FSTL5: variants seen among roughly 807,000 people sequenced by gnomAD.
FSTL5 encodes follistatin like 5, also known as follistatin-related protein 5.
FSTL5 carries 62 observed loss-of-function variants against 89.1 expected under a neutral mutation model. The observed-to-expected ratio is 0.70, with a 90% CI of 0.57 to 0.86. FSTL5 has a LOEUF of 0.86. FSTL5 is among the 40% of genes least tolerant of loss of function. The pLI, the probability that FSTL5 is intolerant of heterozygous loss-of-function variation, is 0.00. For missense variants in FSTL5, 1,057 were observed against 1,001.6 expected (o/e 1.06, Z -0.75); for synonymous variants, 383 against 346.2 (o/e 1.11, Z -1.18).
intron 6 of FSTL5, among the ~76,000 whole-genome samples, chr4:161,726,513 C>A (rs1560811553): frequency 6.6e-6 from 1 of 152,076 alleles, no homozygotes; most frequent in Non-Finnish European, 1.5e-5. Context: ...CAGGCATGAG[C>A]CGCCGCGCCT....
intron 13 of FSTL5, among the ~76,000 whole-genome samples, chr4:161,478,920 G>T (rs1729400239): frequency 6.6e-6 from 1 of 152,042 alleles, no homozygotes; most frequent in African/African-American, 2.4e-5. Context: ...ATCATGTAAA[G>T]CACAAATAGC....
intron 4 of FSTL5, among the ~76,000 whole-genome samples, chr4:161,879,968 T>C (rs764348928): frequency 6.6e-6 from 1 of 152,200 alleles, no homozygotes; most frequent in Non-Finnish European, 1.5e-5. Flanking sequence ...TCTTAAATGT[T>C]AATTTGAATT....
chr4:161,635,311 C>G (rs933853946), intron 7 of FSTL5, among the ~76,000 whole-genome samples: 1 of 152,140 alleles, frequency 6.6e-6, no homozygotes, highest in Non-Finnish European at 1.5e-5. Context: ...TTGCTTTAAC[C>G]TGGGAGGCGG....
chr4:161,579,825 G>T (rs576490964), intron 8 of FSTL5, among the ~76,000 whole-genome samples: 2 of 151,418 alleles, frequency 1.3e-5, no homozygotes, highest in East Asian at 1.9e-4. Context: ...ATAAGCCCAG[G>T]ATACAAATGT....
chr4:161,844,985 TA>T (rs1392863875), intron 4 of FSTL5, among the ~76,000 whole-genome samples: 1 of 150,966 alleles, frequency 6.6e-6, no homozygotes, highest in African/African-American at 2.4e-5. Context: ...TAACAAAGAG[TA>T]AAAAAAGTTA....
At chr4:161,852,737 TAAAGAA>T (rs1731594361) in intron 4 of FSTL5, among the ~76,000 whole-genome samples, 1 of 152,102 alleles carries the variant, frequency 6.6e-6, no homozygotes, top group Non-Finnish European at 1.5e-5. Context: ...ATAGACTAGA[TAAAGAA>T]AATGTCATAA....
chr4:161,608,384 G>C (rs1490131362), intron 7 of FSTL5, among the ~76,000 whole-genome samples: 1 of 152,016 alleles, frequency 6.6e-6, no homozygotes, highest in Admixed American at 6.6e-5. Flanking sequence ...AATGTGACTG[G>C]TAAATTTAAG....
chr4:161,648,684 A>AT (rs397952217), intron 7 of FSTL5, among the ~76,000 whole-genome samples: 2 of 151,412 alleles, frequency 1.3e-5, no homozygotes, highest in Non-Finnish European at 1.5e-5. Flanking sequence ...TTTAAAAAAA[A>AT]TAATGCAAAA....
At chr4:161,660,809 C>CT in intron 6 of FSTL5, among the ~76,000 whole-genome samples, 1 of 152,200 alleles carries the variant, frequency 6.6e-6, no homozygotes, top group East Asian at 1.9e-4. Flanking sequence ...TGATCTTGTT[C>CT]TTTTTTATGG....
At chr4:161,874,949 A>G (rs1732391575) in intron 4 of FSTL5, among the ~76,000 whole-genome samples, 1 of 152,064 alleles carries the variant, frequency 6.6e-6, no homozygotes, top group African/African-American at 2.4e-5. Flanking sequence ...ACACACACAC[A>G]CGCCATCTAT....
chr4:161,451,040 G>A lies in FSTL5; in HGVS notation c.1841+3964C>T, dbSNP rs1469995493. 2.6e-5 allele frequency among the ~76,000 whole-genome samples: 4 copies of A among 151,892 alleles called. No homozygotes were observed. In the East Asian group the frequency reaches 5.8e-4, roughly 22 times the overall value. On this transcript the variant is annotated intron_variant, in intron 15 of 15. Transcript: ENST00000306100. ...ATTACAGGCATGAGCCACTGAGCCC[G>A]GCCCATTCATCTTCATTTTTAACAG...
chr4:162,121,119 T>C (rs1579044504), intron 1 of FSTL5, among the ~76,000 whole-genome samples: 3 of 151,924 alleles, frequency 2.0e-5, no homozygotes. Flanking sequence ...CATTTAGTTA[T>C]TGATATATAG....
chr4:161,692,033 A>G (rs1200741044), intron 6 of FSTL5, among the ~76,000 whole-genome samples: 1 of 152,110 alleles, frequency 6.6e-6, no homozygotes, highest in Non-Finnish European at 1.5e-5. Flanking sequence ...TCAAATCACT[A>G]AAAATTAGAG....
intron 4 of FSTL5, among the ~76,000 whole-genome samples, chr4:161,796,925 T>A (rs896690557): frequency 3.3e-5 from 5 of 151,624 alleles, no homozygotes; most frequent in African/African-American, 1.2e-4. Context: ...TCTTAATATC[T>A]ATTTTATTTC....
At chr4:161,872,643 T>C (rs955250347) in intron 4 of FSTL5, among the ~76,000 whole-genome samples, 1 of 152,102 alleles carries the variant, frequency 6.6e-6, no homozygotes, top group East Asian at 1.9e-4. Flanking sequence ...ACGTATTGAG[T>C]ATCAAGAGTG....
At chr4:161,802,871 C>A (rs1220457293) in intron 4 of FSTL5, among the ~76,000 whole-genome samples, 1 of 151,794 alleles carries the variant, frequency 6.6e-6, no homozygotes, top group Admixed American at 6.6e-5. Flanking sequence ...ATATTTCATG[C>A]AATCACTTGA....
chr4:161,814,428 G>C (rs1211647915), intron 4 of FSTL5, among the ~76,000 whole-genome samples: 1 of 152,068 alleles, frequency 6.6e-6, no homozygotes, highest in Non-Finnish European at 1.5e-5. Context: ...ACATTATTGT[G>C]TTCATTAACA....
intron 1 of FSTL5, among the ~76,000 whole-genome samples, chr4:162,124,671 T>G (rs1223010846): frequency 6.6e-6 from 1 of 152,064 alleles, no homozygotes; most frequent in African/African-American, 2.4e-5. Flanking sequence ...CAAAACATAC[T>G]CAAAAGCTTC....
At chr4:162,157,379 C>T (rs763800370) in intron 1 of FSTL5, among the ~76,000 whole-genome samples, 3 of 151,922 alleles carry the variant, frequency 2.0e-5, no homozygotes, top group Non-Finnish European at 4.4e-5. Flanking sequence ...TGTGCTGTCA[C>T]CATGAAATCA....
Sources: gnomAD v4.1 joint callset for allele counts (sites outside exome capture counted in the v4.1 genomes callset) on GRCh38, gnomAD v4.1.1 for gene constraint, MANE v1.5 for transcripts, NCBI Gene and HGNC (gene_info 2026-07-23, HGNC 2026-07-21) for gene names.